Variants in ACADM observed in about 807,000 individuals in gnomAD.
The protein encoded by ACADM is acyl-CoA dehydrogenase medium chain.
A neutral mutation model predicts 58.9 loss-of-function variants in ACADM; 49 were observed. The observed-to-expected ratio is 0.83, with a 90% CI of 0.66 to 1.06. The LOEUF (loss-of-function observed/expected upper bound fraction) is 1.06, where lower values mean the gene tolerates loss of function less well. Ranked by LOEUF, ACADM falls within the 50% of genes least tolerant of loss-of-function variation. ACADM has a pLI of 0.00. For synonymous variants in ACADM, 160 were observed against 157.7 expected (o/e 1.01, Z -0.11); for missense variants, 496 against 507.0 (o/e 0.98, Z 0.21).
intron 1 of ACADM, 64 bp downstream of exon 1, chr1:75,724,881 G>A (rs1238665559): frequency 7.3e-7 from 1 of 1,364,658 alleles, no homozygotes; most frequent in Non-Finnish European, 9.6e-7. Flanking sequence ...GGAGCAGGGG[G>A]CCCTGGGCCA....
intron 1 of ACADM, 105 bp downstream of exon 1, chr1:75,724,922 T>G: frequency 8.3e-7 from 1 of 1,210,940 alleles, no homozygotes; most frequent in Non-Finnish European, 1.1e-6. Context: ...GAGTGGGAAG[T>G]CGGGCTGAGG....
chr1:75,745,930 A>T lies in ACADM; in HGVS notation c.708+16A>T. On this transcript the variant is annotated intron_variant, in intron 8 of 11. Transcript: ENST00000370841. ...TGGGAGAAAGGTAAAGTATTTATTA[A>T]TGATTAGGGCCCCAAATATTATTTT... The T allele has an allele frequency of 6.6e-7, 1 of 1,523,330 alleles. No individual in the cohort carries two copies. Among genetic ancestry groups the T allele is most frequent in the Non-Finnish European group, 9.1e-7 (1 of 1,097,646 alleles). The allele number at this position is 1,523,330 out of a possible 1,614,324, so 94.4% of individuals were successfully genotyped here. A position where few individuals can be genotyped will look rare whatever the true frequency, so the allele number is the denominator to read the frequency against.
chr1:75,744,431 G>A, intron 7 of ACADM: 3 of 1,496,690 alleles, frequency 2.0e-6, no homozygotes, highest in Non-Finnish European at 2.8e-6. Context: ...GCTGGTGATG[G>A]AACCTGCACC....
chr1:75,753,814 T>TTTTTTTTTTTTTTTA (rs1648340961), intron 10 of ACADM, among the ~76,000 whole-genome samples: 4 of 117,156 alleles, frequency 3.4e-5, no homozygotes, highest in Non-Finnish European at 3.6e-5. Context: ...TTTTTTTTTT[T>TTTTTTTTTTTTTTTA]GAGACAGGGT....
At chr1:75,732,610 C>T in intron 2 of ACADM, 34 bp from the exon 3 acceptor site, 1 of 1,504,902 alleles carries the variant, frequency 6.6e-7, no homozygotes, top group East Asian at 2.3e-5. Context: ...TCCTTGTTAT[C>T]CAGTTTTAAC....
At chr1:75,754,230 C>T (rs545970263) in intron 10 of ACADM, among the ~76,000 whole-genome samples, 18 of 139,724 alleles carry the variant, frequency 1.3e-4, no homozygotes, top group Middle Eastern at 3.9e-3. Flanking sequence ...TTTTTTGAGA[C>T]GGAGTCTTAC....
rs534836210 is a variant in ACADM, at chr1:75,751,334, C to T, written c.945+788C>T. On this transcript the variant is annotated intron_variant, in intron 10 of 11. Transcript: ENST00000370841. ...CAGCCTGGGCGACAGAGTGAGACTC[C>T]GTCTCAAAAAAGAAAATATATATAT... Among the ~76,000 whole-genome samples, 77 of 151,564 alleles carry T rather than the reference C, an allele frequency of 5.1e-4. 1 individual carries two copies. The South Asian group carries it at 7.5e-3, about 15-fold the overall frequency.
intron 10 of ACADM, among the ~76,000 whole-genome samples, chr1:75,757,640 CAG>C (rs1463356985): frequency 1.3e-5 from 2 of 152,186 alleles, no homozygotes; most frequent in East Asian, 1.9e-4. Flanking sequence ...TTGTGGAAGA[CAG>C]TGTGGCAATT....
At chr1:75,746,141 T>G (rs1647888291) in intron 8 of ACADM, among the ~76,000 whole-genome samples, 1 of 152,186 alleles carries the variant, frequency 6.6e-6, no homozygotes. Flanking sequence ...AGAAGGCTAA[T>G]AACAGCTGTG....
rs936598117 is a variant in ACADM, at chr1:75,763,059, G to A, written c.*296G>A. 5.1e-6 allele frequency: 1 copy of A among 196,720 alleles called. No individual in the cohort carries two copies. The allele number at this position is 196,720 out of a possible 1,614,324, so 12.2% of individuals were successfully genotyped here. A position where few individuals can be genotyped will look rare whatever the true frequency, so the allele number is the denominator to read the frequency against. On this transcript the variant is annotated 3_prime_UTR_variant, in exon 12 of 12. Coordinates refer to ENST00000370841, the MANE Select transcript of ACADM (RefSeq NM_000016.6). ...AAGATTAATGTAGCAGAAATTTCTT[G>A]GAATTTTATTTTTGTAATGACAGAA...
At chr1:75,738,516 AC>A (rs1391487207) in intron 6 of ACADM, among the ~76,000 whole-genome samples, 20 of 152,262 alleles carry the variant, frequency 1.3e-4, no homozygotes, top group African/African-American at 4.6e-4. Flanking sequence ...AGCCTCAGCC[AC>A]CACGCCCGGC....
intron 6 of ACADM, among the ~76,000 whole-genome samples, chr1:75,738,474 G>A (rs958874069): frequency 2.4e-4 from 36 of 151,662 alleles, no homozygotes; most frequent in African/African-American, 8.2e-4. Context: ...CACCTGCCTC[G>A]GCCTCCCAAA....
At chr1:75,729,969 A>G (rs1482842559) in intron 2 of ACADM, among the ~76,000 whole-genome samples, 1 of 130,132 alleles carries the variant, frequency 7.7e-6, no homozygotes, top group Admixed American at 9.8e-5. Flanking sequence ...ATCTGGGCTC[A>G]TTGCAACCTC....
rs1647040636 is a variant in ACADM at position 75,725,609 on chromosome 1, AAAACT to A, written c.30+793_30+797del. Among the ~76,000 whole-genome samples, 5 of 152,316 alleles carry A rather than the reference AAAACT, an allele frequency of 3.3e-5. No homozygotes were observed. In the South Asian group the frequency reaches 1.0e-3, roughly 32 times the overall value. Reference sequence around the variant, plus strand: ...AGGATCTAAAAAAAACCTGATATAGAAAACTTACACCCTTTTTCTCTTCTTTAACC... The same window carrying A: ...AGGATCTAAAAAAAACCTGATATAGATACACCCTTTTTCTCTTCTTTAACC... On this transcript the variant is annotated intron_variant, in intron 1 of 11. Coordinates refer to ENST00000370841, the MANE Select transcript of ACADM (RefSeq NM_000016.6).
chr1:75,733,522 C>G lies in ACADM; in HGVS notation c.287-6C>G. On this transcript the variant is annotated splice_region_variant and splice_polypyrimidine_tract_variant and intron_variant, in intron 4 of 11. Transcript: ENST00000370841. ...TACAATGTGTTGAAACATTTTGATA[C>G]TGTAGGAGGTCTTGGACTTGGAACT... 1 of 1,606,834 alleles carries G rather than the reference C, an allele frequency of 6.2e-7. No homozygotes were observed. The highest frequency in any genetic ancestry group is 8.5e-7 in the Non-Finnish European group (1 of 1,173,524).
At chr1:75,738,964 A>G (rs1233094988) in intron 6 of ACADM, among the ~76,000 whole-genome samples, 5 of 152,214 alleles carry the variant, frequency 3.3e-5, no homozygotes, top group Admixed American at 1.3e-4. Flanking sequence ...GTAATGTGAT[A>G]TAAAAGATTC....
intron 6 of ACADM, among the ~76,000 whole-genome samples, chr1:75,739,323 C>T (rs1647437723): frequency 2.0e-5 from 3 of 152,116 alleles, no homozygotes; most frequent in Non-Finnish European, 4.4e-5. Flanking sequence ...GACTGAATGT[C>T]TTTTACCTCT....
At chr1:75,743,909 A>G (rs1647732580) in intron 7 of ACADM, 1 of 1,472,294 alleles carries the variant, frequency 6.8e-7, no homozygotes, top group South Asian at 1.1e-5. Context: ...TGCAAGGCAA[A>G]GGCTGAGGCC....
chr1:75,755,637 A>G (rs1301026688), intron 10 of ACADM, among the ~76,000 whole-genome samples: 4 of 152,350 alleles, frequency 2.6e-5, no homozygotes, highest in African/African-American at 9.6e-5. Context: ...CCAAAGGTAG[A>G]TAAACCCACA....
Sources: gnomAD v4.1 joint callset for allele counts (sites outside exome capture counted in the v4.1 genomes callset) on GRCh38, gnomAD v4.1.1 for gene constraint, MANE v1.5 for transcripts, NCBI Gene and HGNC (gene_info 2026-07-23, HGNC 2026-07-21) for gene names.